Variants in FCRLA observed in about 807,000 individuals in gnomAD.
FCRLA encodes Fc receptor-like A.
A neutral mutation model predicts 28.4 loss-of-function variants in FCRLA; 26 were observed. The observed-to-expected ratio is 0.91, with a 90% CI of 0.67 to 1.27. The LOEUF is 1.27. Ranked by LOEUF, FCRLA falls within the 50% of genes most tolerant of loss-of-function variation. FCRLA has a pLI of 0.00. For synonymous variants in FCRLA, 174 were observed against 168.5 expected, an observed-to-expected ratio of 1.03 and a Z score of -0.25; for missense variants, 422 against 433.1, an observed-to-expected ratio of 0.97 and a Z score of 0.23.
rs370031574 is a variant in FCRLA at position 161,713,345 on chromosome 1, C to A, written c.1045C>A (p.Arg349=). Residue 349 remains arginine (R), a synonymous_variant, in exon 5 of 5, where the codon CGG becomes AGG. Transcript: ENST00000236938. ...LMELRELSGH[R]KPGTTKATAE ...GGAGTTGAGGGAATTATCTGGCCACCGGAAGCCTGGGACCACAAAGGCTAC... is the reference window on the plus strand; with the variant it reads ...GGAGTTGAGGGAATTATCTGGCCACAGGAAGCCTGGGACCACAAAGGCTAC... 2 of 1,614,116 alleles carry A rather than the reference C, an allele frequency of 1.2e-6. No homozygotes were observed. Among genetic ancestry groups the A allele is most frequent in the South Asian group, 2.2e-5 (2 of 91,074 alleles).
At chr1:161,708,697 AC>A (rs1682951363) in intron 1 of FCRLA, among the ~76,000 whole-genome samples, 1 of 152,078 alleles carries the variant, frequency 6.6e-6, no homozygotes, top group Non-Finnish European at 1.5e-5. Flanking sequence ...TTTCCATGGC[AC>A]CCTACTCTCC....
At chr1:161,709,460 G>T (rs1452833405) in intron 1 of FCRLA, among the ~76,000 whole-genome samples, 1 of 152,138 alleles carries the variant, frequency 6.6e-6, no homozygotes, top group African/African-American at 2.4e-5. Flanking sequence ...AGAAAAAATG[G>T]AGAGGAGGCA....
At chr1:161,711,717 G>C in intron 3 of FCRLA, 1 of 741,900 alleles carries the variant, frequency 1.3e-6, no homozygotes, top group Non-Finnish European at 2.2e-6. Flanking sequence ...CTCACTGATT[G>C]GGTGTCTGGA....
rs752767312 is a variant in FCRLA at position 161,710,506 on chromosome 1, T to C, written c.80-254T>C. 8 of 1,550,648 alleles carry C rather than the reference T, an allele frequency of 5.2e-6. No individual in the cohort carries two copies. In the South Asian group the frequency reaches 7.1e-5, roughly 14 times the overall value. ...GATGTCATGCCGGTGAGTTTCACCA[T>C]TCTTTCATTCTCTCCCCTCCCTCTT... On this transcript the variant is annotated intron_variant, in intron 1 of 4. Coordinates refer to ENST00000236938, the MANE Select transcript of FCRLA (RefSeq NM_032738.4).
intron 3 of FCRLA, chr1:161,711,731 C>T (rs1365895051): frequency 2.6e-5 from 20 of 773,344 alleles, no homozygotes; most frequent in Admixed American, 1.7e-4. Context: ...GTCTGGACAA[C>T]TATCAGATTT....
At position 161,713,199 on chromosome 1, in the gene FCRLA, CT is replaced by C; in HGVS notation, c.901del (p.Ser301LeufsTer31). ...CCTCTGCCTCCGCCGCCAACCCCAT[CT>C]TCTGAGGATCCAGGCTTTTCTTCTC... ...PGPLPPPPTP[S>X]SEDPGFSSPL... On this transcript the variant is annotated frameshift_variant, in exon 5 of 5. Transcript: ENST00000236938. LOFTEE classifies it low-confidence loss of function (END_TRUNC). 6.2e-7 allele frequency: 1 copy of C among 1,614,254 alleles called. No individual in the cohort carries two copies. Among genetic ancestry groups the C allele is most frequent in the Non-Finnish European group, 8.5e-7 (1 of 1,180,036 alleles).
chr1:161,710,615 G>T, intron 1 of FCRLA, 145 bp from the exon 2 acceptor site: 2 of 1,390,440 alleles, frequency 1.4e-6, no homozygotes, highest in South Asian at 1.2e-5. Context: ...ACTCTCAGGG[G>T]TCTTTCCGAA....
At chr1:161,713,052 A>C (rs1435820842) in intron 4 of FCRLA, 33 bp from the exon 5 acceptor site, 1 of 1,583,834 alleles carries the variant, frequency 6.3e-7, no homozygotes, top group Non-Finnish European at 8.6e-7. Flanking sequence ...GTCAGACTTC[A>C]CTCTTGTATG....
chr1:161,711,534 A>G, intron 3 of FCRLA, 60 bp downstream of exon 3: 2 of 1,549,258 alleles, frequency 1.3e-6, no homozygotes, highest in South Asian at 2.5e-5. Context: ...AGGGAGCCCA[A>G]ATTGTCTTTC....
chr1:161,713,472 T>G lies in FCRLA; in HGVS notation c.*92T>G, dbSNP rs1004044682. On this transcript the variant is annotated 3_prime_UTR_variant, in exon 5 of 5. Coordinates refer to ENST00000236938, the MANE Select transcript of FCRLA (RefSeq NM_032738.4). ...CTGTCCTGCACATATGCATAAGTAC[T>G]TTTACAAGTTGTCCCAGTGTTTTGT... 5.7e-6 allele frequency: 6 copies of G among 1,045,694 alleles called. No homozygotes were observed. The highest frequency in any genetic ancestry group is 8.4e-6 in the Non-Finnish European group (6 of 715,420). The allele number at this position is 1,045,694 out of a possible 1,614,324, so 64.8% of individuals were successfully genotyped here. A position where few individuals can be genotyped will look rare whatever the true frequency, so the allele number is the denominator to read the frequency against.
chr1:161,710,809 G>A lies in FCRLA; in HGVS notation c.129G>A (p.Glu43=). The change falls in exon 2 of 5, where the codon GAG becomes GAA. Residue 43 remains glutamate (E), a synonymous_variant. Coordinates refer to ENST00000236938, the MANE Select transcript of FCRLA (RefSeq NM_032738.4). Reference sequence around the variant, plus strand: ...GTGAGGGACCTGTCTGCACTGAGGAGAGCAGCTGCCACACGGAGGATGACT... The same window carrying A: ...GTGAGGGACCTGTCTGCACTGAGGAAAGCAGCTGCCACACGGAGGATGACT... The part of the protein sequence containing the change: ...LQCEGPVCTE[E]SSCHTEDDLT... 6.2e-7 allele frequency: 1 copy of A among 1,614,130 alleles called. No individual in the cohort carries two copies. The highest frequency in any genetic ancestry group is 2.2e-5 in the East Asian group (1 of 44,880).
chr1:161,710,469 T>C (rs1683036570), intron 1 of FCRLA: 1 of 1,550,654 alleles, frequency 6.4e-7, no homozygotes, highest in Admixed American at 2.0e-5. Flanking sequence ...TGGTTTCCCG[T>C]ACCAGCAGCT....
chr1:161,707,391 C>G, intron 1 of FCRLA, 48 bp downstream of exon 1: 1 of 1,526,388 alleles, frequency 6.6e-7, no homozygotes, highest in Non-Finnish European at 8.8e-7. Context: ...CTTTGCTTAC[C>G]TTGGGAGAAA....
chr1:161,708,044 C>T (rs1682911968), intron 1 of FCRLA, among the ~76,000 whole-genome samples: 1 of 152,102 alleles, frequency 6.6e-6, no homozygotes, highest in African/African-American at 2.4e-5. Flanking sequence ...AAATCATATC[C>T]CCAACCCTAA....
intron 1 of FCRLA, chr1:161,710,287 A>G: frequency 1.6e-6 from 1 of 610,754 alleles, no homozygotes; most frequent in Non-Finnish European, 2.9e-6. Flanking sequence ...GTGTTTCTTT[A>G]AGATTATAAA....
chr1:161,710,547 C>A, intron 1 of FCRLA: 2 of 1,536,870 alleles, frequency 1.3e-6, no homozygotes, highest in Non-Finnish European at 1.8e-6. Flanking sequence ...AACCACAGTG[C>A]ATTTGCTGAG....
chr1:161,713,251 G>C lies in FCRLA; in HGVS notation c.951G>C (p.Leu317=), dbSNP rs180760848. The C allele has an allele frequency of 6.2e-7, 1 of 1,614,200 alleles. No individual in the cohort carries two copies. The highest frequency in any genetic ancestry group is 8.5e-7 in the Non-Finnish European group (1 of 1,180,036). Residue 317 remains leucine (L), a synonymous_variant, in exon 5 of 5, where the codon CTG becomes CTC. Coordinates refer to ENST00000236938, the MANE Select transcript of FCRLA (RefSeq NM_032738.4). The part of the protein sequence containing the change: ...SSPLGMPDPH[L]YHQMGLLLKH... Reference sequence around the variant, plus strand: ...CTCTGGGGATGCCAGATCCTCATCTGTATCACCAGATGGGCCTTCTTCTCA... The same window carrying C: ...CTCTGGGGATGCCAGATCCTCATCTCTATCACCAGATGGGCCTTCTTCTCA...
chr1:161,708,616 T>C (rs905604401), intron 1 of FCRLA, among the ~76,000 whole-genome samples: 8 of 152,348 alleles, frequency 5.3e-5, no homozygotes, highest in African/African-American at 1.9e-4. Context: ...CATATTTACA[T>C]ACTCACACAC....
chr1:161,710,623 GA>G (rs77972815), intron 1 of FCRLA, 136 bp from the exon 2 acceptor site: 93,428 of 1,066,794 alleles, frequency 0.088, 2,326 homozygotes, highest in African/African-American at 0.16. Context: ...GGGTCTTTCC[GA>G]AAAAAAAAAA....
Sources: gnomAD v4.1 joint callset for allele counts (sites outside exome capture counted in the v4.1 genomes callset) on GRCh38, gnomAD v4.1.1 for gene constraint, MANE v1.5 for transcripts, NCBI Gene and HGNC (gene_info 2026-07-23, HGNC 2026-07-21) for gene names.